IRAG1: variants seen among roughly 807,000 people sequenced by gnomAD.
The protein encoded by IRAG1 is inositol 1,4,5-triphosphate receptor associated 1.
A neutral mutation model predicts 106.2 loss-of-function variants in IRAG1; 62 were observed. That is an observed-to-expected ratio of 0.58 (90% CI 0.48 to 0.72). The LOEUF is 0.72. Among genes scored for constraint, IRAG1 ranks in the 30% least tolerant of loss-of-function variants. The pLI is 0.00. For synonymous variants in IRAG1, 462 were observed against 443.9 expected (o/e 1.04, Z -0.51); for missense variants, 1,064 against 1,140.7 (o/e 0.93, Z 0.97).
At chr11:10,661,759 G>A (rs991908630) in intron 1 of IRAG1, among the ~76,000 whole-genome samples, 4 of 152,122 alleles carry the variant, frequency 2.6e-5, no homozygotes, top group African/African-American at 9.7e-5. Flanking sequence ...AGTTAATCCA[G>A]GGTAATCTCC....
chr11:10,614,572 T>C (rs1163366783), intron 10 of IRAG1, among the ~76,000 whole-genome samples: 1 of 152,226 alleles, frequency 6.6e-6, no homozygotes, highest in Non-Finnish European at 1.5e-5. Flanking sequence ...CAAAACAGCA[T>C]GGTACTGGTA....
At chr11:10,668,288 C>T (rs113518697) in intron 1 of IRAG1, among the ~76,000 whole-genome samples, 39 of 152,324 alleles carry the variant, frequency 2.6e-4, no homozygotes, top group African/African-American at 8.9e-4. Flanking sequence ...AATGTCCTCA[C>T]AAATTATTAT....
rs762435577 is a variant in IRAG1 at position 10,600,939 on chromosome 11, T to A, written c.1996A>T (p.Ser666Cys). ...EFKKLANQNS[S>C]RSCGPSEDGV... ...TTACCAGAGGGGCCACAGCTGCGGC[T>A]TGAATTCTGATTTGCAAGCTTTTTA... The change falls in exon 15 of 21, where the codon AGC becomes TGC. Residue 666 changes from serine (S) to cysteine (C), a missense_variant. By Grantham distance (112) the Ser-to-Cys change is moderately radical. Coordinates refer to ENST00000423302, the MANE Select transcript of IRAG1 (RefSeq NM_130385.4). 1.9e-6 allele frequency: 3 copies of A among 1,613,954 alleles called. No homozygotes were observed. Among genetic ancestry groups the A allele is most frequent in the African/African-American group, 1.3e-5 (1 of 74,950 alleles).
Position 10,693,710 on chromosome 11 carries a change from A to C in IRAG1, c.-108T>G, listed in dbSNP as rs1032346024. ...AGAGGGGCTGGGACTTAGAGCCGAGAGCTCCTCTGGGAGCCCCACTCCGGC... is the reference window on the plus strand; with the variant it reads ...AGAGGGGCTGGGACTTAGAGCCGAGCGCTCCTCTGGGAGCCCCACTCCGGC... On this transcript the variant is annotated 5_prime_UTR_variant, in exon 1 of 21. Transcript: ENST00000423302. The C allele has an allele frequency of 6.0e-6, 8 of 1,331,720 alleles. No homozygotes were observed. Among genetic ancestry groups the C allele is most frequent in the Non-Finnish European group, 8.2e-6 (8 of 973,084 alleles). The allele number at this position is 1,331,720 out of a possible 1,614,324, so 82.5% of individuals were successfully genotyped here. A position where few individuals can be genotyped will look rare whatever the true frequency, so the allele number is the denominator to read the frequency against.
intron 17 of IRAG1, among the ~76,000 whole-genome samples, chr11:10,591,898 G>A (rs530121940): frequency 1.3e-5 from 2 of 152,242 alleles, no homozygotes; most frequent in South Asian, 2.1e-4. Context: ...TTCTGGAGAG[G>A]AGCCATCAGT....
At chr11:10,687,867 G>T in intron 1 of IRAG1, 1 of 1,133,396 alleles carries the variant, frequency 8.8e-7, no homozygotes, top group Non-Finnish European at 1.1e-6. Flanking sequence ...ATTTAGCTTT[G>T]CTTTTTTTTG....
intron 1 of IRAG1, chr11:10,687,885 G>C: frequency 1.0e-6 from 1 of 1,000,262 alleles, no homozygotes; most frequent in Non-Finnish European, 1.3e-6. Context: ...TTGGGGGGGG[G>C]TGGTATTTAA....
At chr11:10,619,940 A>C (rs971557393) in intron 10 of IRAG1, among the ~76,000 whole-genome samples, 10 of 152,168 alleles carry the variant, frequency 6.6e-5, no homozygotes, top group African/African-American at 1.4e-4. Context: ...TTGCCTGATA[A>C]TTTTACTTCT....
chr11:10,679,687 G>A (rs1037984317), intron 1 of IRAG1, among the ~76,000 whole-genome samples: 2 of 152,310 alleles, frequency 1.3e-5, no homozygotes, highest in Middle Eastern at 3.4e-3. Context: ...GATCCATCCT[G>A]TGTCCACCCA....
At chr11:10,618,679 G>C (rs1855609717) in intron 10 of IRAG1, among the ~76,000 whole-genome samples, 1 of 152,174 alleles carries the variant, frequency 6.6e-6, no homozygotes, top group Non-Finnish European at 1.5e-5. Context: ...GAGGGAGAGA[G>C]GAAGAACATT....
intron 1 of IRAG1, among the ~76,000 whole-genome samples, chr11:10,669,104 C>A (rs1416863197): frequency 6.6e-6 from 1 of 152,140 alleles, no homozygotes. Context: ...TTACAGGGGG[C>A]AATTTGGTGG....
intron 2 of IRAG1, among the ~76,000 whole-genome samples, chr11:10,637,687 G>T (rs548539811): frequency 6.6e-6 from 1 of 152,076 alleles, no homozygotes; most frequent in Non-Finnish European, 1.5e-5. Flanking sequence ...CCCATCTTTT[G>T]TTCAGTGGGC....
At chr11:10,578,786 A>G (rs1388441305) in intron 20 of IRAG1, among the ~76,000 whole-genome samples, 1 of 152,250 alleles carries the variant, frequency 6.6e-6, no homozygotes, top group South Asian at 2.1e-4. Flanking sequence ...AGATTGAATT[A>G]GCTAGATAAG....
intron 14 of IRAG1, among the ~76,000 whole-genome samples, chr11:10,602,150 C>T (rs1591589462): frequency 1.3e-5 from 2 of 152,214 alleles, no homozygotes; most frequent in East Asian, 1.9e-4. Context: ...ACTTCCTGGG[C>T]ACCACTGCTG....
intron 18 of IRAG1, among the ~76,000 whole-genome samples, chr11:10,588,594 A>C (rs1322132894): frequency 6.6e-6 from 1 of 152,122 alleles, no homozygotes; most frequent in Non-Finnish European, 1.5e-5. Context: ...CAAGTCATCC[A>C]CTTGCCTTGG....
chr11:10,584,776 C>A (rs1009267428), intron 18 of IRAG1, among the ~76,000 whole-genome samples: 2 of 151,860 alleles, frequency 1.3e-5, no homozygotes, highest in Non-Finnish European at 1.5e-5. Flanking sequence ...TCAGATTCCT[C>A]AACTGTACAA....
chr11:10,652,506 T>G, intron 1 of IRAG1: 1 of 421,680 alleles, frequency 2.4e-6, no homozygotes, highest in Non-Finnish European at 4.0e-6. Flanking sequence ...ACATTGGCAG[T>G]TGTTTACCAC....
At chr11:10,587,538 T>C (rs1852151449) in intron 18 of IRAG1, among the ~76,000 whole-genome samples, 1 of 152,184 alleles carries the variant, frequency 6.6e-6, no homozygotes, top group Non-Finnish European at 1.5e-5. Context: ...ACAAATTTAG[T>C]GTCCTGTGAA....
rs114470840 is a variant in IRAG1, at chr11:10,665,973, C to T, written c.68-13791G>A. Among the ~76,000 whole-genome samples, 324 of 152,148 alleles carry T rather than the reference C, an allele frequency of 2.1e-3. 1 individual carries two copies. The highest frequency in any genetic ancestry group is 6.4e-3 in the African/African-American group (267 of 41,520). On this transcript the variant is annotated intron_variant, in intron 1 of 20. Coordinates refer to ENST00000423302, the MANE Select transcript of IRAG1 (RefSeq NM_130385.4). The surrounding 1 kb of genome is among the most constrained non-coding windows in gnomAD (Gnocchi z 4.2). ...TGCAATGGCAGGGGTGGGTGGAAGC[C>T]GGGAGGGTAGAGCCTGGGAATGGCT...
Sources: gnomAD v4.1 joint callset for allele counts (sites outside exome capture counted in the v4.1 genomes callset) on GRCh38, gnomAD v4.1.1 for gene constraint, Gnocchi (gnomAD v3.1) non-coding constraint, MANE v1.5 for transcripts, NCBI Gene and HGNC (gene_info 2026-07-23, HGNC 2026-07-21) for gene names.